Variants in PCDHGA7 observed in about 807,000 individuals in gnomAD.
PCDHGA7 encodes protocadherin gamma-A7.
Under a neutral mutation model 58.3 loss-of-function variants are expected in PCDHGA7, and 44 were observed. That is an observed-to-expected ratio of 0.75 (90% CI 0.59 to 0.97). PCDHGA7 has a LOEUF of 0.97. Ranked by LOEUF, PCDHGA7 falls within the 50% of genes least tolerant of loss-of-function variation. PCDHGA7 has a pLI of 0.00. For synonymous variants in PCDHGA7, 516 were observed against 504.2 expected (o/e 1.02, Z -0.31); for missense variants, 1,266 against 1,188.7 (o/e 1.06, Z -0.96).
intron 1 of PCDHGA7, chr5:141,412,158 G>A (rs188069449): frequency 1.3e-5 from 2 of 152,324 alleles, no homozygotes; most frequent in East Asian, 3.9e-4. Context: ...CCTAAGAGAA[G>A]AGATTATTTA....
chr5:141,422,410 T>C, intron 1 of PCDHGA7: 1 of 1,601,816 alleles, frequency 6.2e-7, no homozygotes, highest in Non-Finnish European at 8.5e-7. Context: ...GCCTTTTAAA[T>C]TAGAAAAGAC....
intron 1 of PCDHGA7, chr5:141,400,466 C>T: frequency 6.2e-7 from 1 of 1,614,024 alleles, no homozygotes; most frequent in Non-Finnish European, 8.5e-7. Context: ...TGTGGTGATT[C>T]ATCTGGGGCC....
chr5:141,413,895 T>A (rs749075692), intron 1 of PCDHGA7: 2 of 1,613,308 alleles, frequency 1.2e-6, no homozygotes, highest in South Asian at 2.2e-5. Flanking sequence ...TCGATGCAAA[T>A]GACAACGCGC....
intron 1 of PCDHGA7, chr5:141,409,386 A>C (rs369240403): frequency 1.2e-6 from 2 of 1,613,914 alleles, no homozygotes; most frequent in African/African-American, 2.7e-5. Flanking sequence ...TTCAAGATTT[A>C]TTCTTCTTCC....
At chr5:141,464,982 T>A (rs914697541) in intron 1 of PCDHGA7, among the ~76,000 whole-genome samples, 1 of 152,030 alleles carries the variant, frequency 6.6e-6, no homozygotes, top group Non-Finnish European at 1.5e-5. Context: ...CTTCAAGTGA[T>A]CCTCCCACCT....
chr5:141,478,415 C>G (rs182700706), intron 1 of PCDHGA7: 5 of 1,613,648 alleles, frequency 3.1e-6, no homozygotes, highest in Non-Finnish European at 4.2e-6. Context: ...CACGGACTCC[C>G]GCCGCAGCGA....
intron 1 of PCDHGA7, among the ~76,000 whole-genome samples, chr5:141,445,447 A>C (rs974383838): frequency 6.6e-6 from 1 of 152,222 alleles, no homozygotes; most frequent in Non-Finnish European, 1.5e-5. Flanking sequence ...TGGACTAAGG[A>C]TGCAGCAATG....
chr5:141,394,325 T>G (rs563526295), intron 1 of PCDHGA7: 3 of 1,614,012 alleles, frequency 1.9e-6, no homozygotes, highest in South Asian at 2.2e-5. Flanking sequence ...TGTCCTCGTA[T>G]ATCTCCATCA....
At chr5:141,424,772 G>A (rs2096839878) in intron 1 of PCDHGA7, 1 of 152,086 alleles carries the variant, frequency 6.6e-6, no homozygotes, top group Non-Finnish European at 1.5e-5. Flanking sequence ...ATGGCAAATA[G>A]TACATTCAGT....
Position 141,429,441 on chromosome 5 carries a change from T to C in PCDHGA7, c.2424+44118T>C, listed in dbSNP as rs541676798. On this transcript the variant is annotated intron_variant, in intron 1 of 3. Transcript: ENST00000518325. ...TGTTGCCCAGGCTGGACTCAAACTCTTGGGCTACAGTAATCCTCCCACCTC... is the reference window on the plus strand; with the variant it reads ...TGTTGCCCAGGCTGGACTCAAACTCCTGGGCTACAGTAATCCTCCCACCTC... 1.5e-4 allele frequency among the ~76,000 whole-genome samples: 23 copies of C among 152,170 alleles called. No individual in the cohort carries two copies. The South Asian group carries it at 4.6e-3, about 30-fold the overall frequency.
chr5:141,418,419 A>G (rs1181055959), intron 1 of PCDHGA7: 1 of 1,613,900 alleles, frequency 6.2e-7, no homozygotes, highest in Non-Finnish European at 8.5e-7. Flanking sequence ...GACAATCCTG[A>G]TGGTGGCAAA....
At chr5:141,414,342 C>A in intron 1 of PCDHGA7, 2 of 1,613,810 alleles carry the variant, frequency 1.2e-6, no homozygotes, top group East Asian at 2.2e-5. Flanking sequence ...TAACCTGTTC[C>A]ATTTTGGCGT....
At chr5:141,414,496 C>T in intron 1 of PCDHGA7, 7 of 1,613,956 alleles carry the variant, frequency 4.3e-6, no homozygotes, top group Middle Eastern at 1.6e-4. Flanking sequence ...AACGGAAGCT[C>T]ACTTTATGCT....
intron 1 of PCDHGA7, chr5:141,404,461 C>T: frequency 1.2e-6 from 2 of 1,613,208 alleles, no homozygotes; most frequent in Non-Finnish European, 1.7e-6. Flanking sequence ...CTCTCTCCAC[C>T]TATGTCTCTA....
intron 1 of PCDHGA7, chr5:141,398,248 A>G (rs908511447): frequency 1.4e-6 from 2 of 1,472,692 alleles, no homozygotes; most frequent in African/African-American, 2.9e-5. Flanking sequence ...TCCCGAGGAA[A>G]TGCCCAAGGG....
Position 141,487,819 on chromosome 5 carries a change from C to T in PCDHGA7, c.2425-6988C>T, listed in dbSNP as rs559702138. 28 of 1,285,530 alleles carry T rather than the reference C, an allele frequency of 2.2e-5. No homozygotes were observed. The highest frequency in any genetic ancestry group is 7.6e-5 in the East Asian group (3 of 39,466). 79.6% of individuals were successfully genotyped at this position (1,285,530 alleles called of 1,614,324 possible). ...AGTTGTCACAGTTTAGCATTGGGGG[C>T]GGGTCATGCCTATATCTGAGTAAGA... is the stretch of plus-strand genomic sequence containing the variant. On this transcript the variant is annotated intron_variant, in intron 1 of 3. Transcript: ENST00000518325. The surrounding 1 kb of genome is among the most constrained non-coding windows in gnomAD (Gnocchi z 5.0).
At chr5:141,390,003 C>T in intron 1 of PCDHGA7, 1 of 1,614,056 alleles carries the variant, frequency 6.2e-7, no homozygotes, top group Non-Finnish European at 8.5e-7. Flanking sequence ...GGCCATGATT[C>T]TGGCCATTGC....
chr5:141,477,438 C>A lies in PCDHGA7; in HGVS notation c.2425-17369C>A, dbSNP rs1386997844. The A allele has an allele frequency of 3.1e-6, 5 of 1,614,174 alleles. No individual in the cohort carries two copies. The Admixed American group carries it at 6.7e-5, about 22-fold the overall frequency. On this transcript the variant is annotated intron_variant, in intron 1 of 3. Coordinates refer to ENST00000518325, the MANE Select transcript of PCDHGA7 (RefSeq NM_018920.4). The surrounding 1 kb of genome is among the most constrained non-coding windows in gnomAD (Gnocchi z 4.9). ...GGAACCCCTTCCCTCTCAGCCCTTA[C>A]AATAGTGCGTGTTCAAGTGTCCGAC...
At chr5:141,444,152 ATTTTTTTTTTTTTTTTTTT>A (rs747671382) in intron 1 of PCDHGA7, among the ~76,000 whole-genome samples, 14 of 33,898 alleles carry the variant, frequency 4.1e-4, no homozygotes, top group South Asian at 3.1e-3. Flanking sequence ...TGTGTACTGG[ATTTTTTTTTTTTTTTTTTT>A]TTTTTTTTTT....
Sources: allele counts gnomAD v4.1 joint callset (sites outside exome capture counted in the v4.1 genomes callset), GRCh38; gene constraint gnomAD v4.1.1; non-coding constraint Gnocchi (gnomAD v3.1); transcripts MANE v1.5; gene names NCBI Gene and HGNC (gene_info 2026-07-23, HGNC 2026-07-21).